SPAG16: variants seen among roughly 807,000 people sequenced by gnomAD.
SPAG16 encodes the protein sperm associated antigen 16, also known as sperm-associated antigen 16 protein.
In SPAG16, 86 loss-of-function variants were observed where a neutral mutation model predicts 80.4. The observed-to-expected ratio is 1.07, with a 90% confidence interval of 0.90 to 1.28. The LOEUF (loss-of-function observed/expected upper bound fraction) is 1.28. Ranked by LOEUF, SPAG16 falls within the 50% of genes most tolerant of loss-of-function variation. SPAG16 has a pLI of 0.00. For missense variants in SPAG16, 870 were observed against 765.3 expected (o/e 1.14, Z -1.61); for synonymous variants, 294 against 265.9 (o/e 1.11, Z -1.03).
At chr2:214,049,766 A>G (rs1201722876) in intron 13 of SPAG16, among the ~76,000 whole-genome samples, 2 of 152,324 alleles carry the variant, frequency 1.3e-5, no homozygotes, top group Middle Eastern at 3.4e-3. Context: ...TGTGAGCAGT[A>G]TCTCAGGATG....
chr2:213,440,683 A>G (rs1402533049), intron 9 of SPAG16, among the ~76,000 whole-genome samples: 2 of 152,234 alleles, frequency 1.3e-5, no homozygotes, highest in Admixed American at 1.3e-4. Context: ...ATAAAATAAC[A>G]GTACTTTTAA....
intron 15 of SPAG16, among the ~76,000 whole-genome samples, chr2:214,366,923 T>C (rs569561412): frequency 1.3e-5 from 2 of 152,200 alleles, no homozygotes; most frequent in East Asian, 3.9e-4. Flanking sequence ...CCAAAATCTG[T>C]TATACTCTTT....
At position 213,431,018 on chromosome 2, in the gene SPAG16, A is replaced by G. The variant is rs541581160; in HGVS notation, c.942+55899A>G. On this transcript the variant is annotated intron_variant, in intron 9 of 15. Transcript: ENST00000331683. ...AAAAAGAAATAGTTTTTCTCAGACA[A>G]GCAAACACTGAGGAATTTATCACCA... Among the ~76,000 whole-genome samples the G allele has an allele frequency of 2.0e-5, 3 of 152,338 alleles. No homozygotes were observed. In the East Asian group the frequency reaches 5.8e-4, roughly 29 times the overall value.
At chr2:213,985,832 G>A (rs920188430) in intron 12 of SPAG16, among the ~76,000 whole-genome samples, 4 of 151,982 alleles carry the variant, frequency 2.6e-5, no homozygotes, top group African/African-American at 9.7e-5. Flanking sequence ...ATTGAAGACC[G>A]GCCATATCTT....
chr2:213,952,942 C>T (rs912894622), intron 12 of SPAG16, among the ~76,000 whole-genome samples: 1 of 152,052 alleles, frequency 6.6e-6, no homozygotes, highest in Admixed American at 6.5e-5. Flanking sequence ...TTAAAATCTC[C>T]TCAGCCCTTT....
chr2:214,381,073 C>T (rs1700421088), intron 15 of SPAG16, among the ~76,000 whole-genome samples: 1 of 151,906 alleles, frequency 6.6e-6, no homozygotes, highest in African/African-American at 2.4e-5. Flanking sequence ...CCTTTTTTTC[C>T]CCAGGAAAGT....
chr2:214,390,509 G>A (rs4287766), intron 15 of SPAG16, among the ~76,000 whole-genome samples: 5 of 151,926 alleles, frequency 3.3e-5, no homozygotes, highest in African/African-American at 1.2e-4. Context: ...GGCTCACTTT[G>A]AGCACAAACT....
At chr2:214,074,045 G>A (rs552862637) in intron 13 of SPAG16, among the ~76,000 whole-genome samples, 13 of 152,268 alleles carry the variant, frequency 8.5e-5, no homozygotes, top group South Asian at 6.2e-4. Flanking sequence ...TCATCAGGGT[G>A]CACCTACATC....
chr2:213,416,223 G>A (rs1048568949), intron 9 of SPAG16, among the ~76,000 whole-genome samples: 10 of 152,212 alleles, frequency 6.6e-5, no homozygotes, highest in African/African-American at 2.4e-4. Context: ...CAAAGTCCTA[G>A]CCTGTGGTAC....
Position 213,477,346 on chromosome 2 carries a change from C to A in SPAG16, c.943-12617C>A, listed in dbSNP as rs745536743. Reference sequence around the variant, plus strand: ...GAGAAGAGGGCCACCATCCTCCAGACCTCAGAATGGTAGATCCACTGACAG... The same window carrying A: ...GAGAAGAGGGCCACCATCCTCCAGAACTCAGAATGGTAGATCCACTGACAG... On this transcript the variant is annotated intron_variant, in intron 9 of 15. Coordinates refer to ENST00000331683, the MANE Select transcript of SPAG16 (RefSeq NM_024532.5). Among the ~76,000 whole-genome samples the A allele has an allele frequency of 5.5e-4, 84 of 152,200 alleles. 1 individual carries two copies. The highest frequency in any genetic ancestry group is 1.1e-3 in the Non-Finnish European group (72 of 68,036).
intron 10 of SPAG16, among the ~76,000 whole-genome samples, chr2:213,812,890 C>T (rs2072263425): frequency 6.6e-6 from 1 of 151,208 alleles, no homozygotes; most frequent in Admixed American, 6.6e-5. Flanking sequence ...TTCAGATAAC[C>T]TGAAAGAAGG....
intron 10 of SPAG16, among the ~76,000 whole-genome samples, chr2:213,830,761 C>T (rs577548360): frequency 5.9e-5 from 9 of 152,216 alleles, no homozygotes; most frequent in South Asian, 2.1e-4. Flanking sequence ...TTACTTCTTT[C>T]GAAGGCCCAC....
intron 10 of SPAG16, among the ~76,000 whole-genome samples, chr2:213,602,778 T>C: frequency 6.6e-6 from 1 of 152,256 alleles, no homozygotes; most frequent in South Asian, 2.1e-4. Flanking sequence ...TGATTACCAA[T>C]TTCTTAGTTT....
At chr2:213,923,416 C>G (rs192340598) in intron 11 of SPAG16, among the ~76,000 whole-genome samples, 1 of 152,084 alleles carries the variant, frequency 6.6e-6, no homozygotes, top group Non-Finnish European at 1.5e-5. Context: ...CAAACAGAAG[C>G]CAGACTGCTG....
At chr2:213,397,699 T>A (rs1321825034) in intron 9 of SPAG16, among the ~76,000 whole-genome samples, 1 of 152,114 alleles carries the variant, frequency 6.6e-6, no homozygotes, top group Non-Finnish European at 1.5e-5. Context: ...TGCAAGTAAC[T>A]GCTATAATTT....
At chr2:213,535,774 C>T (rs1228104911) in intron 10 of SPAG16, among the ~76,000 whole-genome samples, 1 of 152,082 alleles carries the variant, frequency 6.6e-6, no homozygotes, top group African/African-American at 2.4e-5. Flanking sequence ...AGAGTGCAGG[C>T]TAACAAATGA....
At chr2:213,303,703 C>T (rs771018029) in intron 3 of SPAG16, among the ~76,000 whole-genome samples, 22 of 152,090 alleles carry the variant, frequency 1.4e-4, no homozygotes, top group Non-Finnish European at 2.1e-4. Context: ...TTGGAAATGA[C>T]AGGATCTCAT....
intron 9 of SPAG16, among the ~76,000 whole-genome samples, chr2:213,471,547 G>A (rs1403714820): frequency 6.6e-6 from 1 of 152,138 alleles, no homozygotes; most frequent in Non-Finnish European, 1.5e-5. Context: ...AGATGGCAGG[G>A]CCTGCTCCAA....
chr2:213,592,366 T>C (rs1448829828), intron 10 of SPAG16, among the ~76,000 whole-genome samples: 1 of 152,178 alleles, frequency 6.6e-6, no homozygotes, highest in East Asian at 1.9e-4. Context: ...AGATTTTTAT[T>C]AGGAAAAATT....
Sources: allele counts gnomAD v4.1 joint callset (sites outside exome capture counted in the v4.1 genomes callset), GRCh38; gene constraint gnomAD v4.1.1; transcripts MANE v1.5; gene names NCBI Gene and HGNC (gene_info 2026-07-23, HGNC 2026-07-21).